Variants in DOCK4 observed in about 807,000 individuals in gnomAD.
DOCK4 encodes dedicator of cytokinesis protein 4.
Under a neutral mutation model 268.1 loss-of-function variants are expected in DOCK4, and 97 were observed. The observed-to-expected ratio is 0.36, with a 90% CI of 0.31 to 0.43. DOCK4 has a LOEUF of 0.43. Ranked by LOEUF, DOCK4 falls within the 20% of genes least tolerant of loss-of-function variation. The pLI, the probability that DOCK4 is intolerant of heterozygous loss-of-function variation, is 1.00. For missense variants in DOCK4, 2,145 were observed against 2,455.7 expected, an observed-to-expected ratio of 0.87 and a Z score of 2.67; for synonymous variants, 954 against 887.2, an observed-to-expected ratio of 1.08 and a Z score of -1.34.
At chr7:111,983,981 A>C (rs1798843606) in intron 7 of DOCK4, among the ~76,000 whole-genome samples, 1 of 152,150 alleles carries the variant, frequency 6.6e-6, no homozygotes, top group Admixed American at 6.5e-5. Flanking sequence ...GTCCTCAAAC[A>C]CAACAGATAA....
At position 111,886,966 on chromosome 7, in the gene DOCK4, G is replaced by A. The variant is rs557385399; in HGVS notation, c.1587+8646C>T. ...TGCTAAAAAAAAGTACGGGCATATTGAGGCAACTATACATAGTTAAGTATG... is the reference window on the plus strand; with the variant it reads ...TGCTAAAAAAAAGTACGGGCATATTAAGGCAACTATACATAGTTAAGTATG... On this transcript the variant is annotated intron_variant, in intron 16 of 52. Transcript: ENST00000428084. Among the ~76,000 whole-genome samples, 6 of 152,250 alleles carry A rather than the reference G, an allele frequency of 3.9e-5. No homozygotes were observed. The East Asian group carries it at 1.2e-3, about 29-fold the overall frequency.
chr7:112,174,393 C>A (rs1818329399), intron 1 of DOCK4, among the ~76,000 whole-genome samples: 1 of 152,108 alleles, frequency 6.6e-6, no homozygotes, highest in Non-Finnish European at 1.5e-5. Flanking sequence ...AAGCTGCTGA[C>A]ATTCTATCAC....
chr7:112,098,113 C>T (rs1028002717), intron 1 of DOCK4, among the ~76,000 whole-genome samples: 3 of 152,142 alleles, frequency 2.0e-5, no homozygotes, highest in Non-Finnish European at 4.4e-5. Context: ...ATCCATATAC[C>T]TCTGCTCAAA....
chr7:111,788,769 T>C (rs1230346923), intron 31 of DOCK4, 22 bp from the exon 32 acceptor site: 1 of 1,550,492 alleles, frequency 6.4e-7, no homozygotes, highest in African/African-American at 1.4e-5. Flanking sequence ...CCAACTATTA[T>C]TCTCTTTCCT....
chr7:112,154,904 T>C (rs1177015425), intron 1 of DOCK4, among the ~76,000 whole-genome samples: 2 of 152,118 alleles, frequency 1.3e-5, no homozygotes, highest in Non-Finnish European at 2.9e-5. Flanking sequence ...TTGCTGTGCC[T>C]CAGATTTAAA....
intron 8 of DOCK4, among the ~76,000 whole-genome samples, chr7:111,970,554 G>C (rs377183948): frequency 0.01 from 1,595 of 152,260 alleles, 19 homozygotes; most frequent in South Asian, 0.038. Flanking sequence ...ATACCCTTGA[G>C]GGCTGGAGAA....
chr7:111,945,775 T>C lies in DOCK4; in HGVS notation c.725A>G (p.Asn242Ser), dbSNP rs1795571101. Residue 242 changes from asparagine to serine, a missense_variant, in exon 9 of 53, where the codon AAT (asparagine) becomes AGT (serine). Asn to Ser is a conservative substitution (Grantham distance 46). Transcript: ENST00000428084. ...AGGGGCTTTGGGAAGCCCGTTTCTA[T>C]TCAGCCTCAAGAAAAATCTCTCACT... ...PISERFFLRLNRNGLPKAPDK... is the reference protein window; with the variant it reads ...PISERFFLRLSRNGLPKAPDK... 1 of 1,594,138 alleles carries C rather than the reference T, an allele frequency of 6.3e-7. No homozygotes were observed. The highest frequency in any genetic ancestry group is 2.3e-5 in the East Asian group (1 of 44,310).
rs1369683663 is a variant in DOCK4 at position 111,977,272 on chromosome 7, T to C, written c.561A>G (p.Arg187=). The C allele has an allele frequency of 1.3e-6, 2 of 1,598,672 alleles. No homozygotes were observed. The highest frequency in any genetic ancestry group is 3.5e-5 in the Admixed American group (2 of 57,732). The change falls in exon 8 of 53, where the codon CGA becomes CGG. Residue 187 remains arginine, a synonymous_variant. Transcript: ENST00000428084. ...GCACCGGGGTGTCTTTCTTCCGATG[T>C]CGATGTTCCATCTGAATGACACCCC... ...ITELYRLMEH[R]HRKKDTPVQA...
At chr7:112,030,350 T>C (rs898674967) in intron 1 of DOCK4, among the ~76,000 whole-genome samples, 5 of 152,210 alleles carry the variant, frequency 3.3e-5, no homozygotes, top group Non-Finnish European at 7.3e-5. Context: ...AAGTCAACTA[T>C]GAATAACCCA....
At chr7:111,858,534 A>G (rs1351116257) in intron 23 of DOCK4, among the ~76,000 whole-genome samples, 1 of 152,136 alleles carries the variant, frequency 6.6e-6, no homozygotes, top group African/African-American at 2.4e-5. Context: ...TGAGTAATGG[A>G]GAATATGCTC....
intron 12 of DOCK4, among the ~76,000 whole-genome samples, chr7:111,919,108 AAAAAACAAAAACAAAAC>A (rs1488477500): frequency 7.1e-6 from 1 of 140,908 alleles, no homozygotes; most frequent in African/African-American, 2.8e-5. Context: ...GCGACTTTAA[AAAAAACAAAAACAAAAC>A]AAAAAACAAA....
rs79318860 is a variant in DOCK4 at position 111,824,505 on chromosome 7, G to A, written c.2836-2049C>T. Among the ~76,000 whole-genome samples, 7 of 152,096 alleles carry A rather than the reference G, an allele frequency of 4.6e-5. No individual in the cohort carries two copies. In the South Asian group the frequency reaches 6.2e-4, roughly 14 times the overall value. The stretch of plus-strand genomic sequence containing the variant: ...TAACATGCTGAAGTTTTATCTTCTC[G>A]CCTCAAAAGTTGTAAGAGAACTGGA... On this transcript the variant is annotated intron_variant, in intron 26 of 52. Transcript: ENST00000428084.
At chr7:111,791,197 T>C (rs372344431) in intron 30 of DOCK4, among the ~76,000 whole-genome samples, 217 of 145,754 alleles carry the variant, frequency 1.5e-3, no homozygotes, top group African/African-American at 5.4e-3. Flanking sequence ...AAAGATAACA[T>C]AGGTGAAGTT....
At chr7:111,867,163 G>C (rs551010676) in intron 22 of DOCK4, among the ~76,000 whole-genome samples, 9 of 152,062 alleles carry the variant, frequency 5.9e-5, no homozygotes, top group African/African-American at 2.2e-4. Context: ...GTGCATTCCC[G>C]GTGTTTTGCT....
At chr7:112,148,983 C>T (rs974873631) in intron 1 of DOCK4, among the ~76,000 whole-genome samples, 1 of 152,182 alleles carries the variant, frequency 6.6e-6, no homozygotes, top group Non-Finnish European at 1.5e-5. Flanking sequence ...AGTCTCTGGC[C>T]ACTGAGCACG....
chr7:112,106,662 C>G (rs1811169747), intron 1 of DOCK4, among the ~76,000 whole-genome samples: 1 of 152,166 alleles, frequency 6.6e-6, no homozygotes, highest in Non-Finnish European at 1.5e-5. Context: ...CCTGATGTAG[C>G]CTTTGATGTT....
intron 52 of DOCK4, 106 bp from the exon 53 acceptor site, chr7:111,728,826 C>A: frequency 9.0e-7 from 1 of 1,108,648 alleles, no homozygotes; most frequent in Non-Finnish European, 1.3e-6. Context: ...CCAGCACCCC[C>A]AAAGCCGGCT....
chr7:112,106,653 C>G (rs986145647), intron 1 of DOCK4, among the ~76,000 whole-genome samples: 1 of 152,174 alleles, frequency 6.6e-6, no homozygotes, highest in Admixed American at 6.5e-5. Context: ...GCATGGCTTC[C>G]TGATGTAGCC....
In DOCK4 at chr7:112,038,609, C is replaced by G. The variant is rs571979211; in HGVS notation, c.38-34478G>C. Among the ~76,000 whole-genome samples, 295 of 152,240 alleles carry G rather than the reference C, an allele frequency of 1.9e-3. 4 individuals are homozygous for G. Among genetic ancestry groups the G allele is most frequent in the African/African-American group, 6.7e-3 (280 of 41,528 alleles). ...ACTGGCTGTGGAGCTTCAACTGCAC[C>G]CAGGACAGGCTACCCACTCAGTGTC... is the stretch of plus-strand genomic sequence containing the variant. On this transcript the variant is annotated intron_variant, in intron 1 of 52. Coordinates refer to ENST00000428084, the MANE Select transcript of DOCK4 (RefSeq NM_001363540.2).
Sources: allele counts gnomAD v4.1 joint callset (sites outside exome capture counted in the v4.1 genomes callset), GRCh38; gene constraint gnomAD v4.1.1; transcripts MANE v1.5; gene names NCBI Gene and HGNC (gene_info 2026-07-23, HGNC 2026-07-21).